Variants in FBXO34 observed in about 807,000 individuals in gnomAD.
The protein encoded by FBXO34 is F-box only protein 34.
A neutral mutation model predicts 24.5 loss-of-function variants in FBXO34; 12 were observed. The ratio of observed to expected loss-of-function variants is 0.49; its 90% CI spans 0.31 to 0.79. The LOEUF is 0.79. Ranked by LOEUF, FBXO34 falls within the 30% of genes least tolerant of loss-of-function variation. FBXO34 has a pLI of 0.04. For synonymous variants in FBXO34, 320 were observed against 311.9 expected, an observed-to-expected ratio of 1.03 and a Z score of -0.27; for missense variants, 823 against 857.7, an observed-to-expected ratio of 0.96 and a Z score of 0.51.
At chr14:55,404,443 C>T in the FBXO34 span, among the ~76,000 whole-genome samples, 1 of 152,226 alleles carries the variant, frequency 6.6e-6, no homozygotes, top group Non-Finnish European at 1.5e-5. Flanking sequence ...CAATTTCCAT[C>T]ATCACGTCAA....
At chr14:55,432,828 A>C in the FBXO34 span, among the ~76,000 whole-genome samples, 1 of 152,222 alleles carries the variant, frequency 6.6e-6, no homozygotes, top group African/African-American at 2.4e-5. Flanking sequence ...TTATGGTGAA[A>C]GAATACCCAT....
the FBXO34 span, among the ~76,000 whole-genome samples, chr14:55,410,864 G>C: frequency 6.6e-6 from 1 of 152,136 alleles, no homozygotes; most frequent in Non-Finnish European, 1.5e-5. Flanking sequence ...GTTGAGAGTG[G>C]GAGATCCTGC....
chr14:55,299,912 A>G (rs1882287577), intron 1 of FBXO34, among the ~76,000 whole-genome samples: 1 of 152,214 alleles, frequency 6.6e-6, no homozygotes, highest in South Asian at 2.1e-4. Flanking sequence ...AAATTATCAA[A>G]TCATGCCCAA....
In FBXO34 at chr14:55,306,825, T is replaced by C. The variant is rs1882563290; in HGVS notation, c.-11+35288T>C. ...TTCAGCCTGGGTGACAAAGCGAGAC[T>C]CCATCTCAAAACAAAACAAAACAAA... On this transcript the variant is annotated intron_variant, in intron 1 of 1. Transcript: ENST00000313833. Among the ~76,000 whole-genome samples the C allele has an allele frequency of 3.5e-5, 3 of 86,082 alleles. No homozygotes were observed. In the South Asian group the frequency reaches 1.4e-3, roughly 41 times the overall value. 56.5% of individuals were successfully genotyped at this position (86,082 alleles called of 152,430 possible).
the FBXO34 span, among the ~76,000 whole-genome samples, chr14:55,380,875 ATTT>A: frequency 7.1e-5 from 8 of 112,694 alleles, no homozygotes; most frequent in South Asian, 2.9e-4. Flanking sequence ...ATATATATAT[ATTT>A]TTTTTTTTTT....
chr14:55,379,883 G>A, the FBXO34 span, among the ~76,000 whole-genome samples: 2 of 152,168 alleles, frequency 1.3e-5, no homozygotes, highest in Non-Finnish European at 2.9e-5. Flanking sequence ...ACCATGCCCA[G>A]CTAGTTTTTG....
chr14:55,340,778 A>G (rs374245252), intron 1 of FBXO34, among the ~76,000 whole-genome samples: 2 of 152,148 alleles, frequency 1.3e-5, no homozygotes, highest in Admixed American at 1.3e-4. Flanking sequence ...TATTTTTCAT[A>G]TCAAATGTTA....
chr14:55,326,974 G>C (rs1883361698), intron 1 of FBXO34, among the ~76,000 whole-genome samples: 1 of 152,140 alleles, frequency 6.6e-6, no homozygotes, highest in Admixed American at 6.5e-5. Context: ...TGTTGTCTCA[G>C]AACAGATGAT....
chr14:55,303,808 A>G lies in FBXO34; in HGVS notation c.-11+32271A>G, dbSNP rs112772292. The stretch of plus-strand genomic sequence containing the variant: ...TTGTGAGTGTGGAGGCCAGGAAGCC[A>G]TGTGTATGTACCAGGACCATGTTAC... On this transcript the variant is annotated intron_variant, in intron 1 of 1. Coordinates refer to ENST00000313833, the MANE Select transcript of FBXO34 (RefSeq NM_017943.4). 3.5e-3 allele frequency among the ~76,000 whole-genome samples: 529 copies of G among 152,298 alleles called. 5 individuals are homozygous for G. Among genetic ancestry groups the G allele is most frequent in the Middle Eastern group, 0.014 (4 of 294 alleles).
the FBXO34 span, among the ~76,000 whole-genome samples, chr14:55,405,121 C>T: frequency 2.6e-5 from 4 of 152,262 alleles, no homozygotes; most frequent in Admixed American, 6.5e-5. Context: ...GTGAAACAGT[C>T]GTAAGGCTGA....
chr14:55,429,267 C>G, the FBXO34 span, among the ~76,000 whole-genome samples: 1 of 152,172 alleles, frequency 6.6e-6, no homozygotes, highest in Non-Finnish European at 1.5e-5. Flanking sequence ...AAAACGATTC[C>G]AAGGATTCGC....
the FBXO34 span, among the ~76,000 whole-genome samples, chr14:55,436,179 C>A: frequency 5.9e-5 from 9 of 151,990 alleles, no homozygotes; most frequent in Non-Finnish European, 1.2e-4. Flanking sequence ...TTTTTCAAAA[C>A]AATGCCTCAA....
chr14:55,410,843 T>C, the FBXO34 span, among the ~76,000 whole-genome samples: 290 of 152,354 alleles, frequency 1.9e-3, no homozygotes, highest in Non-Finnish European at 2.4e-3. Context: ...CACTAAATTG[T>C]TGAAACATAA....
intron 1 of FBXO34, among the ~76,000 whole-genome samples, chr14:55,293,463 A>G (rs1023164151): frequency 6.6e-6 from 1 of 152,230 alleles, no homozygotes; most frequent in Non-Finnish European, 1.5e-5. Flanking sequence ...GATTACAGGC[A>G]TAAGCCACTG....
intron 3 of FBXO34, among the ~76,000 whole-genome samples, chr14:55,360,096 G>T (rs1884573693): frequency 6.7e-6 from 1 of 150,228 alleles, no homozygotes; most frequent in Non-Finnish European, 1.5e-5. Flanking sequence ...TTTTTGAGTT[G>T]GAGTCTCGCT....
chr14:55,411,923 C>T, the FBXO34 span: 3 of 1,149,856 alleles, frequency 2.6e-6, no homozygotes, highest in Non-Finnish European at 2.4e-6. Context: ...GGGATGCCGG[C>T]GAGCCCCCGG....
chr14:55,429,871 G>A, the FBXO34 span, among the ~76,000 whole-genome samples: 2 of 150,398 alleles, frequency 1.3e-5, no homozygotes, highest in East Asian at 3.9e-4. Flanking sequence ...TGATTGAGTG[G>A]CACAGACAAG....
the FBXO34 span, among the ~76,000 whole-genome samples, chr14:55,432,539 A>C: frequency 6.6e-6 from 1 of 152,204 alleles, no homozygotes; most frequent in Non-Finnish European, 1.5e-5. Flanking sequence ...AAAACAAAAG[A>C]TAAATCTCTC....
At chr14:55,367,204 T>C (rs1207105937) in exon 3 of FBXO34, 1 of 152,232 alleles carries the variant, frequency 6.6e-6, no homozygotes, top group Non-Finnish European at 1.5e-5. Context: ...CTGTTGTGCA[T>C]CTCTCAGCTG....
Sources: gnomAD v4.1 joint callset for allele counts (sites outside exome capture counted in the v4.1 genomes callset) on GRCh38, gnomAD v4.1.1 for gene constraint, MANE v1.5 for transcripts, NCBI Gene and HGNC (gene_info 2026-07-23, HGNC 2026-07-21) for gene names.